Variants in SLC24A4 observed in about 807,000 individuals in gnomAD.
SLC24A4 encodes solute carrier family 24 member 4.
A neutral mutation model predicts 79.0 loss-of-function variants in SLC24A4; 53 were observed. That is an observed-to-expected ratio of 0.67 (90% CI 0.54 to 0.84). The LOEUF (loss-of-function observed/expected upper bound fraction) is 0.84, where lower values mean the gene tolerates loss of function less well. SLC24A4 is among the 40% of genes least tolerant of loss of function. The pLI is 0.00. For missense variants in SLC24A4, 731 were observed against 822.0 expected, an observed-to-expected ratio of 0.89 and a Z score of 1.35; for synonymous variants, 323 against 323.8, an observed-to-expected ratio of 1.00 and a Z score of 0.03.
intron 2 of SLC24A4, among the ~76,000 whole-genome samples, chr14:92,349,740 T>C (rs886072750): frequency 5.9e-5 from 9 of 152,348 alleles, no homozygotes; most frequent in African/African-American, 2.2e-4. Flanking sequence ...TAATATAAGC[T>C]CTGAATTTTA....
intron 2 of SLC24A4, among the ~76,000 whole-genome samples, chr14:92,384,394 G>A (rs1204349216): frequency 1.3e-5 from 2 of 151,552 alleles, no homozygotes; most frequent in South Asian, 2.1e-4. Flanking sequence ...TTTCAGGGAT[G>A]TTTAATGGAG....
At chr14:92,372,714 G>T (rs1213618695) in intron 2 of SLC24A4, among the ~76,000 whole-genome samples, 1 of 152,096 alleles carries the variant, frequency 6.6e-6, no homozygotes, top group Non-Finnish European at 1.5e-5. Flanking sequence ...TCTCCCCTGG[G>T]CCTTCATCAA....
At chr14:92,391,346 C>G (rs1408939465) in intron 2 of SLC24A4, among the ~76,000 whole-genome samples, 1 of 152,176 alleles carries the variant, frequency 6.6e-6, no homozygotes, top group African/African-American at 2.4e-5. Context: ...TTGTGTGTCC[C>G]AGCCCAACCC....
chr14:92,346,124 T>C (rs750633254), intron 2 of SLC24A4, among the ~76,000 whole-genome samples: 1 of 152,168 alleles, frequency 6.6e-6, no homozygotes. Context: ...CGTGTTTGTC[T>C]GTCCTGTGAA....
intron 9 of SLC24A4, 75 bp from the exon 10 acceptor site, chr14:92,448,999 G>T (rs1172684183): frequency 1.9e-6 from 3 of 1,567,274 alleles, no homozygotes; most frequent in Non-Finnish European, 2.6e-6. Flanking sequence ...GCAGGGATGG[G>T]GTGTGATCCA....
intron 12 of SLC24A4, among the ~76,000 whole-genome samples, chr14:92,464,123 A>T (rs1893967038): frequency 6.6e-6 from 1 of 152,262 alleles, no homozygotes; most frequent in Non-Finnish European, 1.5e-5. Context: ...AGCATCGTAG[A>T]AAAGAAAACT....
chr14:92,465,416 G>C (rs1250536326), intron 12 of SLC24A4, among the ~76,000 whole-genome samples: 4 of 152,186 alleles, frequency 2.6e-5, no homozygotes, highest in African/African-American at 9.7e-5. Context: ...TGAGGGAGCT[G>C]GTGCTTCAAC....
chr14:92,402,620 T>TA (rs1890174474), intron 2 of SLC24A4, among the ~76,000 whole-genome samples: 1 of 152,142 alleles, frequency 6.6e-6, no homozygotes. Flanking sequence ...TAATTGGACT[T>TA]ACAGTTCCAC....
chr14:92,444,670 C>G (rs1315979593), intron 7 of SLC24A4, among the ~76,000 whole-genome samples: 3 of 152,120 alleles, frequency 2.0e-5, no homozygotes, highest in Non-Finnish European at 4.4e-5. Context: ...GCCTGGCCAA[C>G]ATGGTGAAAC....
At chr14:92,410,213 ACTC>A (rs1890631989) in intron 2 of SLC24A4, among the ~76,000 whole-genome samples, 2 of 152,156 alleles carry the variant, frequency 1.3e-5, no homozygotes, top group Admixed American at 1.3e-4. Flanking sequence ...ATGAGGTCTC[ACTC>A]TGTCACCCAG....
chr14:92,338,286 T>C (rs1885932707), intron 2 of SLC24A4, among the ~76,000 whole-genome samples: 1 of 152,222 alleles, frequency 6.6e-6, no homozygotes, highest in Non-Finnish European at 1.5e-5. Context: ...GTAGTGATGA[T>C]GTGGTTTGCC....
chr14:92,429,809 C>T (rs1891764994), intron 2 of SLC24A4, among the ~76,000 whole-genome samples: 1 of 152,188 alleles, frequency 6.6e-6, no homozygotes, highest in South Asian at 2.1e-4. Flanking sequence ...CTCAGAGCCT[C>T]CACTTCCTCT....
intron 2 of SLC24A4, among the ~76,000 whole-genome samples, chr14:92,377,089 G>T (rs1289079953): frequency 6.6e-6 from 1 of 152,214 alleles, no homozygotes; most frequent in Non-Finnish European, 1.5e-5. Flanking sequence ...CCACCTCATG[G>T]ATGAGAAAGG....
rs77942917 is a variant in SLC24A4, at chr14:92,472,244, CT to C, written c.1256-10429del. ...GAGCTCCCTGAAGTTATTCAGTTCT[CT>C]TTTTTTAAATTTTTCATTTCCATAA... On this transcript the variant is annotated intron_variant, in intron 12 of 16. Transcript: ENST00000532405. Among the ~76,000 whole-genome samples the C allele has an allele frequency of 8.4e-3, 1,272 of 152,256 alleles. 67 individuals are homozygous for C. The East Asian group carries it at 0.15, about 18-fold the overall frequency.
intron 2 of SLC24A4, chr14:92,408,301 A>G: frequency 2.8e-6 from 2 of 716,452 alleles, no homozygotes; most frequent in Non-Finnish European, 3.4e-6. Context: ...TGTTGTGGCT[A>G]AATTGAGTCT....
intron 11 of SLC24A4, among the ~76,000 whole-genome samples, chr14:92,454,572 T>C (rs1893348161): frequency 6.6e-6 from 1 of 152,244 alleles, no homozygotes; most frequent in African/African-American, 2.4e-5. Context: ...ATAGCAAAGA[T>C]AGGTTCATTG....
In SLC24A4 at chr14:92,419,520, G is replaced by A. The variant is rs190264143; in HGVS notation, c.242-14392G>A. Among the ~76,000 whole-genome samples, 8 of 152,312 alleles carry A rather than the reference G, an allele frequency of 5.3e-5. No homozygotes were observed. In the East Asian group the frequency reaches 1.5e-3, roughly 29 times the overall value. ...CTGGAATGTTGCCGTGGGCTACTTT[G>A]ACATCTCCTGGCTAATTGGTGTTCA... On this transcript the variant is annotated intron_variant, in intron 2 of 16. Transcript: ENST00000532405.
intron 2 of SLC24A4, among the ~76,000 whole-genome samples, chr14:92,383,907 C>T (rs1406842595): frequency 1.3e-5 from 2 of 152,238 alleles, no homozygotes; most frequent in African/African-American, 4.8e-5. Flanking sequence ...CAAGCCATGC[C>T]TGGCTGGACC....
At chr14:92,484,806 T>C in intron 13 of SLC24A4, 1 of 985,442 alleles carries the variant, frequency 1.0e-6, no homozygotes, top group Non-Finnish European at 1.2e-6. Flanking sequence ...CATCCAGTCG[T>C]TAGCCGCTTA....
Sources: gnomAD v4.1 joint callset for allele counts (sites outside exome capture counted in the v4.1 genomes callset) on GRCh38, gnomAD v4.1.1 for gene constraint, MANE v1.5 for transcripts, NCBI Gene and HGNC (gene_info 2026-07-23, HGNC 2026-07-21) for gene names.